TBC1D16: variants seen among roughly 807,000 people sequenced by gnomAD.
TBC1D16 encodes the protein CTD-2529O21.1.
Under a neutral mutation model 74.7 loss-of-function variants are expected in TBC1D16, and 58 were observed. The observed-to-expected ratio is 0.78, with a 90% CI of 0.63 to 0.97. The LOEUF (loss-of-function observed/expected upper bound fraction) is 0.97, where lower values mean the gene tolerates loss of function less well. Among genes scored for constraint, TBC1D16 ranks in the 50% least tolerant of loss-of-function variants. The pLI is 0.00. For missense variants in TBC1D16, 1,014 were observed against 1,079.5 expected, an observed-to-expected ratio of 0.94 and a Z score of 0.85; for synonymous variants, 493 against 474.7, an observed-to-expected ratio of 1.04 and a Z score of -0.50.
intron 1 of TBC1D16, among the ~76,000 whole-genome samples, chr17:80,014,365 A>G (rs2036014878): frequency 6.6e-6 from 1 of 152,202 alleles, no homozygotes; most frequent in African/African-American, 2.4e-5. Context: ...TCAAAAAAAA[A>G]GAAAGAAGGA....
In TBC1D16 at chr17:79,972,775, A is replaced by G. The variant is rs370472382; in HGVS notation, c.780-19957T>C. Reference sequence around the variant, plus strand: ...ATGTGAATATACCCACTGCCACTCAACTGTGCACTTACAAATGATTAAGGC... The same window carrying G: ...ATGTGAATATACCCACTGCCACTCAGCTGTGCACTTACAAATGATTAAGGC... On this transcript the variant is annotated intron_variant, in intron 3 of 11. Transcript: ENST00000310924. Among the ~76,000 whole-genome samples the G allele has an allele frequency of 3.3e-4, 50 of 152,296 alleles. No homozygotes were observed. In the East Asian group the frequency reaches 4.0e-3, roughly 12 times the overall value.
At chr17:79,999,736 G>A (rs2035414272) in intron 3 of TBC1D16, among the ~76,000 whole-genome samples, 1 of 151,778 alleles carries the variant, frequency 6.6e-6, no homozygotes, top group Non-Finnish European at 1.5e-5. Flanking sequence ...TAGAGACGGG[G>A]TTTCACTATG....
At chr17:79,942,812 C>A (rs1439062823) in intron 10 of TBC1D16, among the ~76,000 whole-genome samples, 2 of 152,218 alleles carry the variant, frequency 1.3e-5, no homozygotes, top group Non-Finnish European at 1.5e-5. Context: ...CACAGGGTGG[C>A]TGAAATGATC....
At chr17:79,998,514 A>T (rs1006601389) in intron 3 of TBC1D16, among the ~76,000 whole-genome samples, 11 of 131,844 alleles carry the variant, frequency 8.3e-5, no homozygotes, top group East Asian at 4.4e-4. Context: ...TATTATTATA[A>T]TTTTTTTTTT....
chr17:79,932,796 G>A lies in TBC1D16; in HGVS notation c.*8063C>T, dbSNP rs568048570. ...TGCGTCATTGGGAGCTGGCTGCTGC[G>A]CCCAGCCTGAGGCCCTGGACCCCTT... On this transcript the variant is annotated 3_prime_UTR_variant, in exon 12 of 12. Transcript: ENST00000310924. 3 of 152,288 alleles carry A rather than the reference G, an allele frequency of 2.0e-5. No individual in the cohort carries two copies. Among genetic ancestry groups the A allele is most frequent in the East Asian group, 1.9e-4 (1 of 5,192 alleles). 9.4% of individuals were successfully genotyped at this position (152,288 alleles called of 1,614,324 possible).
At chr17:79,943,207 C>T (rs953314803) in intron 10 of TBC1D16, among the ~76,000 whole-genome samples, 23 of 152,342 alleles carry the variant, frequency 1.5e-4, no homozygotes, top group African/African-American at 5.5e-4. Flanking sequence ...CGGCTGCTTC[C>T]TCTGAACTAA....
intron 9 of TBC1D16, among the ~76,000 whole-genome samples, chr17:79,945,905 C>T (rs2032495310): frequency 6.6e-6 from 1 of 152,274 alleles, no homozygotes; most frequent in African/African-American, 2.4e-5. Flanking sequence ...TGCCCCCTTC[C>T]CACACAGGTG....
At position 79,950,346 on chromosome 17, in the gene TBC1D16, C is replaced by A; in HGVS notation, c.1257+65G>T. On this transcript the variant is annotated intron_variant, in intron 6 of 11. Transcript: ENST00000310924. The surrounding 1 kb of genome is among the most constrained non-coding windows in gnomAD (Gnocchi z 4.6). ...GCGGCCAGGCCCCGGCCCTCCTTCC[C>A]TCTCGCTCGTTCCCGGTTCCCGGCC... The A allele has an allele frequency of 1.3e-6, 2 of 1,510,474 alleles. No individual in the cohort carries two copies. The highest frequency in any genetic ancestry group is 8.8e-7 in the Non-Finnish European group (1 of 1,134,554). 93.6% of individuals were successfully genotyped at this position (1,510,474 alleles called of 1,614,324 possible). A position where few individuals can be genotyped will look rare whatever the true frequency, so the allele number is the denominator to read the frequency against.
rs749627787 is a variant in TBC1D16 at position 79,941,051 on chromosome 17, G to A, written c.2112C>T (p.His704=). ...CTGACCCGCACAGCTTACACAGATC[G>A]TGCAGGCTGCAGGGGATCCGGGGCA... The part of the protein sequence containing the change: ...RLLPRIPCSL[H]DLCKLCGSGM... The change falls in exon 12 of 12, where the codon CAC becomes CAT. Residue 704 remains histidine (H), a synonymous_variant. Coordinates refer to ENST00000310924, the MANE Select transcript of TBC1D16 (RefSeq NM_019020.4). This position sits in a 1 kb window ranked among gnomAD's most constrained non-coding sequence, Gnocchi z 4.3. The A allele has an allele frequency of 3.1e-5, 49 of 1,601,780 alleles. No individual in the cohort carries two copies. The highest frequency in any genetic ancestry group is 2.8e-4 in the South Asian group (25 of 88,992).
chr17:79,977,886 AGGCAGAGCAATAAAGC>A (rs2034399645), intron 3 of TBC1D16, among the ~76,000 whole-genome samples: 1 of 152,226 alleles, frequency 6.6e-6, no homozygotes, highest in African/African-American at 2.4e-5. Flanking sequence ...CAGTTCGAAG[AGGCAGAGCAATAAAGC>A]CTCGGCGACT....
chr17:79,955,291 T>C (rs1362506905), intron 3 of TBC1D16, among the ~76,000 whole-genome samples: 1 of 152,124 alleles, frequency 6.6e-6, no homozygotes, highest in Non-Finnish European at 1.5e-5. Context: ...TGTGTGGTCA[T>C]GGAGGACGAG....
At chr17:79,970,691 G>A (rs1345191267) in intron 3 of TBC1D16, among the ~76,000 whole-genome samples, 1 of 152,310 alleles carries the variant, frequency 6.6e-6, no homozygotes, top group South Asian at 2.1e-4. Context: ...GGAGGTGGAG[G>A]GGCTGGGCAC....
At chr17:80,019,475 C>G (rs2036212934) in intron 1 of TBC1D16, among the ~76,000 whole-genome samples, 1 of 136,022 alleles carries the variant, frequency 7.4e-6, no homozygotes, top group African/African-American at 2.9e-5. Flanking sequence ...TCTGGAGAGA[C>G]TGGGCTCTTT....
intron 10 of TBC1D16, chr17:79,943,899 G>C: frequency 7.1e-7 from 1 of 1,410,446 alleles, no homozygotes; most frequent in South Asian, 1.5e-5. Flanking sequence ...TTTAATTCGG[G>C]AGTGGTGGGA....
At chr17:80,018,418 AC>A (rs1353002778) in intron 1 of TBC1D16, among the ~76,000 whole-genome samples, 1 of 149,016 alleles carries the variant, frequency 6.7e-6, no homozygotes, top group Non-Finnish European at 1.5e-5. Flanking sequence ...AGTAGCTGGG[AC>A]TACAGGCGCC....
rs1006660924 is a variant in TBC1D16, at chr17:79,983,868, A to G, written c.779+26292T>C. On this transcript the variant is annotated intron_variant, in intron 3 of 11. Coordinates refer to ENST00000310924, the MANE Select transcript of TBC1D16 (RefSeq NM_019020.4). This position sits in a 1 kb window ranked among gnomAD's most constrained non-coding sequence, Gnocchi z 5.6. ...TATCAAATATGACAAAATTTAAAAA[A>G]AATTTAAATTTATTTAGAGACAGGG... Among the ~76,000 whole-genome samples the G allele has an allele frequency of 3.3e-5, 5 of 152,274 alleles. No individual in the cohort carries two copies. Among genetic ancestry groups the G allele is most frequent in the African/African-American group, 1.2e-4 (5 of 41,540 alleles).
Position 80,000,532 on chromosome 17 carries a change from G to GT in TBC1D16, c.779+9627_779+9628insA, listed in dbSNP as rs1379054275. ...GTGGCTCTGCAGACACCTTGATTTTGGACCTCTGGCTCCAGGACTGTGAGA... is the reference window on the plus strand; with the variant it reads ...GTGGCTCTGCAGACACCTTGATTTTGTGACCTCTGGCTCCAGGACTGTGAGA... On this transcript the variant is annotated intron_variant, in intron 3 of 11. Coordinates refer to ENST00000310924, the MANE Select transcript of TBC1D16 (RefSeq NM_019020.4). This position sits in a 1 kb window ranked among gnomAD's most constrained non-coding sequence, Gnocchi z 4.1. Among the ~76,000 whole-genome samples, 1 of 152,168 alleles carries GT rather than the reference G, an allele frequency of 6.6e-6. No individual in the cohort carries two copies. Among genetic ancestry groups the GT allele is most frequent in the African/African-American group, 2.4e-5 (1 of 41,432 alleles).
chr17:80,020,788 G>A (rs1035170037), intron 1 of TBC1D16, among the ~76,000 whole-genome samples: 9 of 149,880 alleles, frequency 6.0e-5, no homozygotes, highest in Admixed American at 5.9e-4. Flanking sequence ...ACCCCAACTC[G>A]TATTGCCCAG....
intron 3 of TBC1D16, among the ~76,000 whole-genome samples, chr17:79,977,170 G>A (rs1457444565): frequency 6.6e-6 from 1 of 152,160 alleles, no homozygotes; most frequent in Non-Finnish European, 1.5e-5. Context: ...GCGAACCCCA[G>A]CCCAACGTCC....
Sources: gnomAD v4.1 joint callset for allele counts (sites outside exome capture counted in the v4.1 genomes callset) on GRCh38, gnomAD v4.1.1 for gene constraint, Gnocchi (gnomAD v3.1) non-coding constraint, MANE v1.5 for transcripts, NCBI Gene and HGNC (gene_info 2026-07-23, HGNC 2026-07-21) for gene names.